The following UGGT1 variants were observed in gnomAD, a reference collection of about 807,000 sequenced individuals.
The protein encoded by UGGT1 is UDP-glucose glycoprotein glucosyltransferase 1.
Under a neutral mutation model 203.9 loss-of-function variants are expected in UGGT1, and 107 were observed. The observed-to-expected ratio is 0.52, with a 90% confidence interval of 0.45 to 0.62. The LOEUF is 0.62. Among genes scored for constraint, UGGT1 ranks in the 20% least tolerant of loss-of-function variants. The pLI is 0.00. For missense variants in UGGT1, 1,673 were observed against 1,867.2 expected, an observed-to-expected ratio of 0.90 and a Z score of 1.92; for synonymous variants, 628 against 653.5, an observed-to-expected ratio of 0.96 and a Z score of 0.59.
chr2:128,165,712 G>C (rs1398613810), intron 26 of UGGT1, among the ~76,000 whole-genome samples: 1 of 151,930 alleles, frequency 6.6e-6, no homozygotes, highest in Non-Finnish European at 1.5e-5. Flanking sequence ...CATAATAATA[G>C]TAAGATAAAC....
At chr2:128,153,023 T>C (rs1690050075) in intron 19 of UGGT1, 119 bp downstream of exon 19, 2 of 1,436,668 alleles carry the variant, frequency 1.4e-6, no homozygotes, top group Non-Finnish European at 1.9e-6. Flanking sequence ...TAGCCCAAGA[T>C]TGTGACAAAA....
chr2:128,164,436 A>G (rs980699561), intron 25 of UGGT1, among the ~76,000 whole-genome samples: 2 of 152,238 alleles, frequency 1.3e-5, no homozygotes, highest in Non-Finnish European at 2.9e-5. Flanking sequence ...GAGAATGTAA[A>G]TAATACTGAC....
chr2:128,189,842 T>C lies in UGGT1; in HGVS notation c.*100T>C. The C allele has an allele frequency of 1.5e-6, 2 of 1,328,438 alleles. No homozygotes were observed. 82.3% of individuals were successfully genotyped at this position (1,328,438 alleles called of 1,614,324 possible). A position where few individuals can be genotyped will look rare whatever the true frequency, so the allele number is the denominator to read the frequency against. On this transcript the variant is annotated 3_prime_UTR_variant, in exon 41 of 41. Coordinates refer to ENST00000259253, the MANE Select transcript of UGGT1 (RefSeq NM_020120.4). ...TCTATACAACTGCTGATAAGCCGGC[T>C]GGGCAGGAGTGCCACACCTTTTGAT...
intron 40 of UGGT1, 148 bp downstream of exon 40, chr2:128,187,762 T>C: frequency 1.0e-6 from 1 of 965,458 alleles, no homozygotes; most frequent in Non-Finnish European, 1.4e-6. Flanking sequence ...ATATTTTTCA[T>C]TTTCCTTTTA....
At chr2:128,134,588 T>G (rs1689041659) in intron 14 of UGGT1, among the ~76,000 whole-genome samples, 1 of 152,212 alleles carries the variant, frequency 6.6e-6, no homozygotes, top group Non-Finnish European at 1.5e-5. Context: ...GTGAGAGAGT[T>G]GCTAAACTTG....
At position 128,171,696 on chromosome 2, in the gene UGGT1, C is replaced by T. The variant is rs540637160; in HGVS notation, c.3104+412C>T. ...CTAATTTTTGTATTTTTAGTAGAGA[C>T]GGGGTTTCACCATGTTGACCAGCCT... On this transcript the variant is annotated intron_variant, in intron 28 of 40. Transcript: ENST00000259253. 1.1e-3 allele frequency among the ~76,000 whole-genome samples: 161 copies of T among 152,118 alleles called. 3 individuals carry two copies. Among genetic ancestry groups the T allele is most frequent in the African/African-American group, 3.5e-3 (147 of 41,490 alleles).
At chr2:128,108,206 A>C (rs1029306087) in intron 4 of UGGT1, 138 bp downstream of exon 4, 18 of 1,144,038 alleles carry the variant, frequency 1.6e-5, no homozygotes, top group Admixed American at 5.6e-5. Context: ...ATGATTTTTA[A>C]AAAAAATAAT....
chr2:128,125,737 T>C (rs1688568248), intron 11 of UGGT1, among the ~76,000 whole-genome samples: 1 of 152,134 alleles, frequency 6.6e-6, no homozygotes, highest in African/African-American at 2.4e-5. Context: ...GAGGGATAAA[T>C]AAATGTTTCT....
At chr2:128,158,978 G>A (rs139031995) in intron 22 of UGGT1, among the ~76,000 whole-genome samples, 2 of 152,278 alleles carry the variant, frequency 1.3e-5, no homozygotes, top group East Asian at 3.9e-4. Flanking sequence ...TATTTACCGG[G>A]AAGGTAAGAA....
At chr2:128,148,621 A>C (rs892819970) in intron 18 of UGGT1, among the ~76,000 whole-genome samples, 1 of 152,166 alleles carries the variant, frequency 6.6e-6, no homozygotes, top group African/African-American at 2.4e-5. Flanking sequence ...CCAAGGTTAG[A>C]GGCAAGGGTT....
Position 128,189,798 on chromosome 2 carries a change from G to A in UGGT1, c.*56G>A. On this transcript the variant is annotated 3_prime_UTR_variant, in exon 41 of 41. Transcript: ENST00000259253. ...TTGAAAAACAGTTTTTATAATAAAT[G>A]CTAGTTTTTTCTGATCTGTCTATAC... The A allele has an allele frequency of 1.3e-6, 2 of 1,597,356 alleles. No individual in the cohort carries two copies. Among genetic ancestry groups the A allele is most frequent in the Non-Finnish European group, 1.7e-6 (2 of 1,168,056 alleles).
chr2:128,112,423 A>AG (rs1239145562), intron 5 of UGGT1, among the ~76,000 whole-genome samples: 5 of 84,128 alleles, frequency 5.9e-5, no homozygotes, highest in African/African-American at 7.7e-5. Flanking sequence ...TCCATCTCCA[A>AG]AAAAAAAAAA....
intron 6 of UGGT1, among the ~76,000 whole-genome samples, chr2:128,114,137 A>G (rs1687989165): frequency 6.6e-6 from 1 of 152,132 alleles, no homozygotes; most frequent in Non-Finnish European, 1.5e-5. Flanking sequence ...TTTATTTTTG[A>G]GACAGAGTCT....
In UGGT1 at chr2:128,113,675, A is replaced by G. The variant is rs79277543; in HGVS notation, c.696+417A>G. 3.9e-3 allele frequency among the ~76,000 whole-genome samples: 597 copies of G among 152,202 alleles called. 6 individuals carry two copies. Among genetic ancestry groups the G allele is most frequent in the African/African-American group, 0.013 (524 of 41,486 alleles). ...GATTCATAGGTAGACTTGATGTAATATTAAGCTTTTAAGACTCTGTGTAGG... is the reference window on the plus strand; with the variant it reads ...GATTCATAGGTAGACTTGATGTAATGTTAAGCTTTTAAGACTCTGTGTAGG... On this transcript the variant is annotated intron_variant, in intron 6 of 40. Coordinates refer to ENST00000259253, the MANE Select transcript of UGGT1 (RefSeq NM_020120.4).
In UGGT1 at chr2:128,179,884, A is replaced by G. The variant is rs1331291859; in HGVS notation, c.3900+14A>G. 1.3e-6 allele frequency: 2 copies of G among 1,599,376 alleles called. No individual in the cohort carries two copies. The highest frequency in any genetic ancestry group is 1.7e-6 in the Non-Finnish European group (2 of 1,167,306). ...CCCACATTTAAGGTTTGTTTCACAG[A>G]GAAAGGGAAAACATTCTTATTAAGG... On this transcript the variant is annotated intron_variant, in intron 35 of 40. Transcript: ENST00000259253.
chr2:128,147,173 T>C (rs911355988), intron 18 of UGGT1, among the ~76,000 whole-genome samples: 1 of 152,226 alleles, frequency 6.6e-6, no homozygotes, highest in Admixed American at 6.5e-5. Flanking sequence ...TGGTACTCTC[T>C]CATGTCCCAC....
intron 13 of UGGT1, among the ~76,000 whole-genome samples, chr2:128,132,831 C>T (rs920273207): frequency 9.7e-4 from 147 of 152,222 alleles, no homozygotes; most frequent in African/African-American, 3.4e-3. Context: ...CCCGCCTCAG[C>T]CTCCTGAGTG....
chr2:128,165,835 C>T (rs189494805), intron 26 of UGGT1, among the ~76,000 whole-genome samples: 72 of 152,160 alleles, frequency 4.7e-4, no homozygotes, highest in African/African-American at 1.6e-3. Flanking sequence ...GATCTCAGCT[C>T]ACTGCACCTT....
At chr2:128,111,099 T>C (rs1573509381) in intron 5 of UGGT1, among the ~76,000 whole-genome samples, 1 of 152,316 alleles carries the variant, frequency 6.6e-6, no homozygotes, top group African/African-American at 2.4e-5. Flanking sequence ...AAGCCTGTAG[T>C]CCCAGCACTT....
Sources: allele counts gnomAD v4.1 joint callset (sites outside exome capture counted in the v4.1 genomes callset), GRCh38; gene constraint gnomAD v4.1.1; transcripts MANE v1.5; gene names NCBI Gene and HGNC (gene_info 2026-07-23, HGNC 2026-07-21).